The following MYOM2 variants were observed in gnomAD, a reference collection of about 807,000 sequenced individuals.
The protein encoded by MYOM2 is myomesin-2.
A neutral mutation model predicts 187.6 loss-of-function variants in MYOM2; 254 were observed. That is an observed-to-expected ratio of 1.35 (90% CI 1.22 to 1.50). The LOEUF (loss-of-function observed/expected upper bound fraction) is 1.50. MYOM2 is among the 40% of genes most tolerant of loss of function. The pLI is 0.00. For missense variants in MYOM2, 2,796 were observed against 1,924.0 expected (o/e 1.45, Z -8.48); for synonymous variants, 981 against 753.8 (o/e 1.30, Z -4.94).
chr8:2,079,560 C>A lies in MYOM2; in HGVS notation c.1463C>A (p.Ala488Asp), dbSNP rs1318562532. Residue 488 changes from alanine to aspartate, a missense_variant and splice_region_variant, in exon 13 of 37, where the codon GCC becomes GAC. Coordinates refer to ENST00000262113, the MANE Select transcript of MYOM2 (RefSeq NM_003970.4). ...LDPLDLRRLQ[A>D]VHLEGEKEIA... ...CGAGTGTCAACCTTTCTCTCCGCAG[C>A]CGTTCATTTGGAGGGAGAGAAGGAG... 4 of 1,613,902 alleles carry A rather than the reference C, an allele frequency of 2.5e-6. No individual in the cohort carries two copies. The Admixed American group carries it at 5.0e-5, about 20-fold the overall frequency.
chr8:2,057,772 G>A lies in MYOM2; in HGVS notation c.552G>A (p.Val184=), dbSNP rs777330755. The part of the protein sequence containing the change: ...CFTVQGFPTP[V]VQWYKDGSLI... ...CCGTGCAAGGATTTCCCACGCCCGT[G>A]GTGCAGTGGTGAGGGGCTCTGTTCC... Residue 184 remains valine, a synonymous_variant, in exon 5 of 37, where the codon GTG becomes GTA. Transcript: ENST00000262113. 6.2e-7 allele frequency: 1 copy of A among 1,614,050 alleles called. No individual in the cohort carries two copies. The highest frequency in any genetic ancestry group is 8.5e-7 in the Non-Finnish European group (1 of 1,179,980).
At position 2,142,371 on chromosome 8, in the gene MYOM2, T is replaced by G. The variant is rs1798302872; in HGVS notation, c.4002-4T>G. On this transcript the variant is annotated splice_region_variant and splice_polypyrimidine_tract_variant and intron_variant, in intron 34 of 36. Transcript: ENST00000262113. ...CTCTCCTTTCTGTCCCCTTTAACTTTTAGAGCTGCTGCTTTTGCAGAGAAG... is the reference window on the plus strand; with the variant it reads ...CTCTCCTTTCTGTCCCCTTTAACTTGTAGAGCTGCTGCTTTTGCAGAGAAG... 6.2e-7 allele frequency: 1 copy of G among 1,613,702 alleles called. No homozygotes were observed.
At chr8:2,094,365 A>G (rs188451956) in intron 17 of MYOM2, among the ~76,000 whole-genome samples, 3 of 152,198 alleles carry the variant, frequency 2.0e-5, no homozygotes, top group Non-Finnish European at 2.9e-5. Flanking sequence ...GTTAAAATAT[A>G]TGCTGTAGGC....
intron 11 of MYOM2, 32 bp downstream of exon 11, chr8:2,076,314 A>C: frequency 6.2e-7 from 1 of 1,609,810 alleles, no homozygotes; most frequent in Non-Finnish European, 8.5e-7. Flanking sequence ...GGGGATGGGA[A>C]CGTTCCGCAT....
chr8:2,137,884 A>C (rs886300989), intron 32 of MYOM2, among the ~76,000 whole-genome samples: 1 of 152,166 alleles, frequency 6.6e-6, no homozygotes, highest in Non-Finnish European at 1.5e-5. Flanking sequence ...ACAGTGTGTC[A>C]GTGTCTCTTT....
intron 36 of MYOM2, among the ~76,000 whole-genome samples, chr8:2,144,107 T>C (rs1490452241): frequency 6.6e-6 from 1 of 152,058 alleles, no homozygotes; most frequent in African/African-American, 2.4e-5. Context: ...CTTTAGTAGC[T>C]AATGGAAGCC....
At chr8:2,101,332 G>A (rs1303917598) in intron 20 of MYOM2, among the ~76,000 whole-genome samples, 1 of 152,224 alleles carries the variant, frequency 6.6e-6, no homozygotes, top group Non-Finnish European at 1.5e-5. Context: ...CAGCCTGGTT[G>A]ACAGAGCGAG....
At chr8:2,117,622 C>T (rs900458058) in intron 27 of MYOM2, among the ~76,000 whole-genome samples, 4 of 152,100 alleles carry the variant, frequency 2.6e-5, no homozygotes, top group Admixed American at 6.5e-5. Context: ...ATCAGACGTA[C>T]GCTCCTACCA....
intron 27 of MYOM2, among the ~76,000 whole-genome samples, chr8:2,116,826 T>C (rs62478451): frequency 0.019 from 2,920 of 152,274 alleles, 83 homozygotes; most frequent in African/African-American, 0.066. Flanking sequence ...GATGCCATCT[T>C]GGCTCACTGC....
At chr8:2,113,072 G>C (rs1797120452) in intron 25 of MYOM2, among the ~76,000 whole-genome samples, 1 of 152,246 alleles carries the variant, frequency 6.6e-6, no homozygotes, top group South Asian at 2.1e-4. Flanking sequence ...GGTAGATGCA[G>C]ATCTGCAGAA....
At chr8:2,068,806 T>C (rs1819114153) in intron 6 of MYOM2, among the ~76,000 whole-genome samples, 1 of 152,144 alleles carries the variant, frequency 6.6e-6, no homozygotes, top group Admixed American at 6.5e-5. Flanking sequence ...GCACTCTGCC[T>C]TCTCCTCTGG....
In MYOM2 at chr8:2,145,227, CAG is replaced by C. The variant is rs1279099448; in HGVS notation, c.*251_*252del. 1 of 574,322 alleles carries C rather than the reference CAG, an allele frequency of 1.7e-6. No homozygotes were observed. The highest frequency in any genetic ancestry group is 3.0e-6 in the Non-Finnish European group (1 of 330,110). The allele number at this position is 574,322 out of a possible 1,614,324, so 35.6% of individuals were successfully genotyped here. The stretch of plus-strand genomic sequence containing the variant: ...ACGAGGGTAGACGGCAGATGCCTGA[CAG>C]AGAGTGGGTTGGCAGACAACACACT... On this transcript the variant is annotated 3_prime_UTR_variant, in exon 37 of 37. Coordinates refer to ENST00000262113, the MANE Select transcript of MYOM2 (RefSeq NM_003970.4).
intron 11 of MYOM2, among the ~76,000 whole-genome samples, chr8:2,077,805 G>A (rs574576646): frequency 6.6e-6 from 1 of 152,204 alleles, no homozygotes; most frequent in South Asian, 2.1e-4. Flanking sequence ...ATTTGGAAGT[G>A]GGGGGTGCAG....
At chr8:2,083,824 CG>C (rs2116693620) in intron 13 of MYOM2, among the ~76,000 whole-genome samples, 1 of 152,354 alleles carries the variant, frequency 6.6e-6, no homozygotes, top group South Asian at 2.1e-4. Context: ...TTGCCCCAGC[CG>C]GGGATCCCCT....
intron 14 of MYOM2, among the ~76,000 whole-genome samples, chr8:2,089,668 C>T (rs1027535636): frequency 6.6e-6 from 1 of 152,196 alleles, no homozygotes; most frequent in African/African-American, 2.4e-5. Context: ...GAATATACTT[C>T]TAAATTATCT....
intron 19 of MYOM2, 138 bp downstream of exon 19, chr8:2,099,121 G>A: frequency 8.4e-7 from 1 of 1,196,554 alleles, no homozygotes; most frequent in Admixed American, 2.8e-5. Flanking sequence ...GAGCCACCGT[G>A]CGCCAGGCGC....
At chr8:2,136,502 A>G (rs1442068838) in intron 32 of MYOM2, among the ~76,000 whole-genome samples, 1 of 152,142 alleles carries the variant, frequency 6.6e-6, no homozygotes, top group East Asian at 1.9e-4. Flanking sequence ...TTCTTCCCCC[A>G]GATTGTGTGG....
intron 25 of MYOM2, among the ~76,000 whole-genome samples, chr8:2,113,350 C>G (rs1156351975): frequency 1.3e-5 from 2 of 152,200 alleles, no homozygotes; most frequent in South Asian, 2.1e-4. Flanking sequence ...CCACTAGCAG[C>G]CATAACACCT....
chr8:2,062,243 A>G (rs1563421523), intron 6 of MYOM2, among the ~76,000 whole-genome samples: 1 of 152,102 alleles, frequency 6.6e-6, no homozygotes, highest in Non-Finnish European at 1.5e-5. Context: ...TGCTGGAGGG[A>G]GGCGGGGAGA....
Sources: allele counts gnomAD v4.1 joint callset (sites outside exome capture counted in the v4.1 genomes callset), GRCh38; gene constraint gnomAD v4.1.1; transcripts MANE v1.5; gene names NCBI Gene and HGNC (gene_info 2026-07-23, HGNC 2026-07-21).